TTLL10: variants seen among roughly 807,000 people sequenced by gnomAD.
TTLL10 encodes the protein tubulin tyrosine ligase like 10, also known as inactive polyglycylase TTLL10.
TTLL10 carries 61 observed loss-of-function variants against 69.0 expected under a neutral mutation model. The ratio of observed to expected loss-of-function variants is 0.88; its 90% CI spans 0.72 to 1.09. The LOEUF is 1.09. Among genes scored for constraint, TTLL10 ranks in the 50% least tolerant of loss-of-function variants. TTLL10 has a pLI of 0.00. For missense variants in TTLL10, 962 were observed against 945.9 expected, an observed-to-expected ratio of 1.02 and a Z score of -0.22; for synonymous variants, 408 against 393.3, an observed-to-expected ratio of 1.04 and a Z score of -0.44.
In TTLL10 at chr1:1,197,525, A is replaced by G. The variant is rs1648317855; in HGVS notation, c.1700A>G (p.Asn567Ser). 6 of 1,535,672 alleles carry G rather than the reference A, an allele frequency of 3.9e-6. No individual in the cohort carries two copies. Among genetic ancestry groups the G allele is most frequent in the Admixed American group, 2.0e-5 (1 of 49,576 alleles). Residue 567 changes from asparagine to serine, a missense_variant, in exon 16 of 16, where the codon AAC (asparagine) becomes AGC (serine). Physicochemically the swap from Asn to Ser is conservative, Grantham distance 46 (BLOSUM62 1). Coordinates refer to ENST00000379289, the MANE Select transcript of TTLL10 (RefSeq NM_001130045.2). ...LSQRRFVLLH[N>S]GEADPRPHLG... Reference sequence around the variant, plus strand: ...CAGCGCCGCTTCGTGCTCCTGCACAACGGTGAGGCCGACCCGCGGCCGCAC... The same window carrying G: ...CAGCGCCGCTTCGTGCTCCTGCACAGCGGTGAGGCCGACCCGCGGCCGCAC...
In TTLL10 at chr1:1,197,171, GTCA is replaced by G. The variant is rs570271031; in HGVS notation, c.1600_1602del (p.Ile534del). The G allele has an allele frequency of 5.2e-6, 8 of 1,550,384 alleles. No individual in the cohort carries two copies. In the South Asian group the frequency reaches 7.1e-5, roughly 14 times the overall value. ...CCTGAAGGAGGTCATCCCAGGTGTG[GTCA>G]TCGAGACCCTGGGTGAGCCTCCAAG... On this transcript the variant is annotated inframe_deletion, in exon 15 of 16. Transcript: ENST00000379289.
chr1:1,175,825 A>G (rs952204478), intron 3 of TTLL10: 2 of 396,120 alleles, frequency 5.0e-6, no homozygotes, highest in East Asian at 1.9e-4. Flanking sequence ...GCCACCGTGC[A>G]GGTGGAGAGA....
Position 1,197,557 on chromosome 1 carries a change from G to T in TTLL10, c.1732G>T (p.Gly578Cys), listed in dbSNP as rs988615556. The T allele has an allele frequency of 3.3e-6, 5 of 1,519,192 alleles. No homozygotes were observed. The highest frequency in any genetic ancestry group is 1.8e-6 in the Non-Finnish European group (2 of 1,138,286). 94.1% of individuals were successfully genotyped at this position (1,519,192 alleles called of 1,614,324 possible). The change falls in exon 16 of 16, where the codon GGC becomes TGC. Residue 578 changes from glycine (G) to cysteine (C), a missense_variant. Physicochemically the swap from Gly to Cys is radical, Grantham distance 159. Coordinates refer to ENST00000379289, the MANE Select transcript of TTLL10 (RefSeq NM_001130045.2). ...GGCCGACCCGCGGCCGCACCTGGGG[G>T]GCTCGTGCAGCCTCCGCCGCTGGCC... ...GEADPRPHLG[G>C]SCSLRRWPPL... is the part of the protein sequence containing the mutation.
Position 1,196,638 on chromosome 1 carries a change from C to A in TTLL10, c.1440C>A (p.Ala480=), listed in dbSNP as rs748317751. The A allele has an allele frequency of 3.2e-6, 5 of 1,551,818 alleles. No individual in the cohort carries two copies. The highest frequency in any genetic ancestry group is 4.4e-6 in the Non-Finnish European group (5 of 1,146,968). ...AGATCATGGCCCACTGCTTTCTGGC[C>A]GCCAAGCCCAAGCTGGACTGCAAGC... ...MQQIMAHCFL[A]AKPKLDCKLG... is the part of the protein sequence containing the mutation. Residue 480 remains alanine (A), a synonymous_variant, in exon 14 of 16, where the codon GCC becomes GCA. Coordinates refer to ENST00000379289, the MANE Select transcript of TTLL10 (RefSeq NM_001130045.2).
In TTLL10 at chr1:1,185,917, C is replaced by A; in HGVS notation, c.1401+808C>A. On this transcript the variant is annotated intron_variant, in intron 13 of 15. Coordinates refer to ENST00000379289, the MANE Select transcript of TTLL10 (RefSeq NM_001130045.2). This position sits in a 1 kb window ranked among gnomAD's most constrained non-coding sequence, Gnocchi z 6.1. ...TCAAAAGTTGTGCAATTATCACCAC[C>A]AATTCCAGAACATTTCATCACCTCA... 4 of 797,930 alleles carry A rather than the reference C, an allele frequency of 5.0e-6. No individual in the cohort carries two copies. The highest frequency in any genetic ancestry group is 4.6e-6 in the Non-Finnish European group (3 of 658,884). 49.4% of individuals were successfully genotyped at this position (797,930 alleles called of 1,614,324 possible). A position where few individuals can be genotyped will look rare whatever the true frequency, so the allele number is the denominator to read the frequency against.
At chr1:1,179,968 G>A in intron 5 of TTLL10, 66 bp from the exon 6 acceptor site, 6 of 1,453,472 alleles carry the variant, frequency 4.1e-6, no homozygotes, top group Non-Finnish European at 4.5e-6. Context: ...CAAACTGGCT[G>A]AGCCATGTCC....
intron 13 of TTLL10, among the ~76,000 whole-genome samples, chr1:1,194,453 AT>A (rs747307655): frequency 6.6e-6 from 1 of 152,074 alleles, no homozygotes; most frequent in Non-Finnish European, 1.5e-5. Context: ...GGGGCTCTTT[AT>A]TTCCTCCTGT....
Position 1,183,006 on chromosome 1 carries a change from C to T in TTLL10, c.1047C>T (p.His349=), listed in dbSNP as rs752651634. Residue 349 remains histidine, a synonymous_variant, in exon 11 of 16, where the codon CAC becomes CAT. Transcript: ENST00000379289. ...TRSMEDDPIH[H]KTPFRGPQAR... is the part of the protein sequence containing the mutation. Reference sequence around the variant, plus strand: ...GCATGGAGGACGACCCCATCCACCACAAGACGCCGTTCCGGGGGCCTCAGG... The same window carrying T: ...GCATGGAGGACGACCCCATCCACCATAAGACGCCGTTCCGGGGGCCTCAGG... 68 of 1,609,816 alleles carry T rather than the reference C, an allele frequency of 4.2e-5. No homozygotes were observed. The South Asian group carries it at 6.9e-4, about 16-fold the overall frequency.
Position 1,180,170 on chromosome 1 carries a change from AC to A in TTLL10, c.341del (p.Pro114LeufsTer4), listed in dbSNP as rs745864275. 308 of 1,610,790 alleles carry A rather than the reference AC, an allele frequency of 1.9e-4. 1 individual carries two copies. The African/African-American group carries it at 3.7e-3, about 19-fold the overall frequency. ...CAGAAAGAGCCTCTGCCACACCCGGACCCCCTGGGCTCCTGAACAGCCACCG... is the reference window on the plus strand; with the variant it reads ...CAGAAAGAGCCTCTGCCACACCCGGACCCCTGGGCTCCTGAACAGCCACCG... ...GAERASATPG[P>X]PGLLNSHRPA... On this transcript the variant is annotated frameshift_variant, in exon 6 of 16. Coordinates refer to ENST00000379289, the MANE Select transcript of TTLL10 (RefSeq NM_001130045.2). LOFTEE classifies it high-confidence loss of function.
In TTLL10 at chr1:1,181,661, GCCCCATC is replaced by G; in HGVS notation, c.756-74_756-68del. 1 of 1,337,078 alleles carries G rather than the reference GCCCCATC, an allele frequency of 7.5e-7. No homozygotes were observed. Among genetic ancestry groups the G allele is most frequent in the African/African-American group, 1.5e-5 (1 of 68,710 alleles). The allele number at this position is 1,337,078 out of a possible 1,614,324, so 82.8% of individuals were successfully genotyped here. A position where few individuals can be genotyped will look rare whatever the true frequency, so the allele number is the denominator to read the frequency against. ...CACAGTCCGCCCACTCACCACCCAT[GCCCCATC>G]CCCCAGTCCCCACCCGCTCCAAGCA... is the stretch of plus-strand genomic sequence containing the variant. On this transcript the variant is annotated intron_variant, in intron 8 of 15. Coordinates refer to ENST00000379289, the MANE Select transcript of TTLL10 (RefSeq NM_001130045.2). The surrounding 1 kb of genome is among the most constrained non-coding windows in gnomAD (Gnocchi z 4.6).
At position 1,182,353 on chromosome 1, in the gene TTLL10, C is replaced by A. The variant is rs200976199; in HGVS notation, c.831-8C>A. Reference sequence around the variant, plus strand: ...AGCAGCTCATCCTCCTGCCTCCCTGCCCTGCAGGGTCCTGAGAATGGAAGA... The same window carrying A: ...AGCAGCTCATCCTCCTGCCTCCCTGACCTGCAGGGTCCTGAGAATGGAAGA... On this transcript the variant is annotated splice_region_variant and splice_polypyrimidine_tract_variant and intron_variant, in intron 9 of 15. Coordinates refer to ENST00000379289, the MANE Select transcript of TTLL10 (RefSeq NM_001130045.2). 5,908 of 1,613,108 alleles carry A rather than the reference C, an allele frequency of 3.7e-3. 13 individuals carry two copies. The highest frequency in any genetic ancestry group is 4.6e-3 in the Non-Finnish European group (5,470 of 1,179,280).
Position 1,197,032 on chromosome 1 carries a change from T to G in TTLL10, c.1519-61T>G. Reference sequence around the variant, plus strand: ...ATCTGTCTGAATGAGGACCAGGGCCTCTGCCTCCTGCTGGCCCAGTGGGCT... The same window carrying G: ...ATCTGTCTGAATGAGGACCAGGGCCGCTGCCTCCTGCTGGCCCAGTGGGCT... On this transcript the variant is annotated intron_variant, in intron 14 of 15. Coordinates refer to ENST00000379289, the MANE Select transcript of TTLL10 (RefSeq NM_001130045.2). 4 of 1,474,870 alleles carry G rather than the reference T, an allele frequency of 2.7e-6. No individual in the cohort carries two copies. The Admixed American group carries it at 5.9e-5, about 22-fold the overall frequency. The allele number at this position is 1,474,870 out of a possible 1,614,324, so 91.4% of individuals were successfully genotyped here. A position where few individuals can be genotyped will look rare whatever the true frequency, so the allele number is the denominator to read the frequency against.
intron 13 of TTLL10, among the ~76,000 whole-genome samples, chr1:1,195,716 C>T (rs551293926): frequency 6.6e-6 from 1 of 151,984 alleles, no homozygotes; most frequent in East Asian, 1.9e-4. Context: ...CTCAGCTTAC[C>T]ACAGCCTCTG....
At position 1,197,495 on chromosome 1, in the gene TTLL10, T is replaced by C. The variant is rs1246733511; in HGVS notation, c.1670T>C (p.Leu557Pro). ...CGCGGCCAGAAGATGTTGCCTCTGC[T>C]GTCCCAGCGCCGCTTCGTGCTCCTG... ...SLRGQKMLPL[L>P]SQRRFVLLHN... The change falls in exon 16 of 16, where the codon CTG becomes CCG. Residue 557 changes from leucine (L) to proline (P), a missense_variant. Coordinates refer to ENST00000379289, the MANE Select transcript of TTLL10 (RefSeq NM_001130045.2). The C allele has an allele frequency of 5.8e-6, 9 of 1,545,020 alleles. No individual in the cohort carries two copies. The highest frequency in any genetic ancestry group is 7.0e-6 in the Non-Finnish European group (8 of 1,145,874).
Position 1,183,036 on chromosome 1 carries a change from G to C in TTLL10, c.1077G>C (p.Arg359=). 1 of 1,606,058 alleles carries C rather than the reference G, an allele frequency of 6.2e-7. No homozygotes were observed. The highest frequency in any genetic ancestry group is 8.5e-7 in the Non-Finnish European group (1 of 1,176,950). Residue 359 remains arginine, a synonymous_variant, in exon 11 of 16, where the codon CGG becomes CGC. Coordinates refer to ENST00000379289, the MANE Select transcript of TTLL10 (RefSeq NM_001130045.2). ...HKTPFRGPQA[R]VVQRYIQNPL... is the part of the protein sequence containing the mutation. ...CGCCGTTCCGGGGGCCTCAGGCGCG[G>C]GTGGTGCAGAGGTGCGGCGGCGGGT...
intron 12 of TTLL10, 80 bp from the exon 13 acceptor site, chr1:1,184,889 G>T (rs1647207498): frequency 1.9e-6 from 1 of 516,262 alleles, no homozygotes. Flanking sequence ...AGGTTAGGGG[G>T]ATGTTCTCTT....
chr1:1,185,707 G>A lies in TTLL10; in HGVS notation c.1401+598G>A, dbSNP rs1037904388. The A allele has an allele frequency of 4.0e-5, 39 of 985,424 alleles. No individual in the cohort carries two copies. The highest frequency in any genetic ancestry group is 5.2e-4 in the Middle Eastern group (1 of 1,936). The allele number at this position is 985,424 out of a possible 1,614,324, so 61.0% of individuals were successfully genotyped here. On this transcript the variant is annotated intron_variant, in intron 13 of 15. Transcript: ENST00000379289. The surrounding 1 kb of genome is among the most constrained non-coding windows in gnomAD (Gnocchi z 6.1). The stretch of plus-strand genomic sequence containing the variant: ...GTCTTGGTCACCCCGGCCAGGCCCC[G>A]GAAGCAGCAGCCAGGGATGGTCCTT...
intron 3 of TTLL10, chr1:1,175,449 G>A: frequency 2.8e-6 from 1 of 356,010 alleles, no homozygotes; most frequent in South Asian, 2.1e-5. Flanking sequence ...TCCACACGCT[G>A]CCCTGTCCAT....
chr1:1,185,069 C>T lies in TTLL10; in HGVS notation c.1361C>T (p.Ala454Val). ...TACATCAGTGACACGTTCTGGAAGG[C>T]CCGGGGCCTCGCCAAGGACTGGGTC... ...NRYISDTFWKARGLAKDWVFT... is the reference protein window; with the variant it reads ...NRYISDTFWKVRGLAKDWVFT... Residue 454 changes from alanine to valine, a missense_variant, in exon 13 of 16, where the codon GCC (alanine) becomes GTC (valine). Ala to Val is a moderately conservative substitution (Grantham distance 64, BLOSUM62 0). Coordinates refer to ENST00000379289, the MANE Select transcript of TTLL10 (RefSeq NM_001130045.2). This position sits in a 1 kb window ranked among gnomAD's most constrained non-coding sequence, Gnocchi z 6.1. 6.2e-7 allele frequency: 1 copy of T among 1,614,068 alleles called. No homozygotes were observed. The highest frequency in any genetic ancestry group is 8.5e-7 in the Non-Finnish European group (1 of 1,180,002).
Sources: gnomAD v4.1 joint callset for allele counts (sites outside exome capture counted in the v4.1 genomes callset) on GRCh38, gnomAD v4.1.1 for gene constraint, Gnocchi (gnomAD v3.1) non-coding constraint, MANE v1.5 for transcripts, NCBI Gene and HGNC (gene_info 2026-07-23, HGNC 2026-07-21) for gene names.